The following HYDIN variants were observed in gnomAD, a reference collection of about 807,000 sequenced individuals.
HYDIN encodes HYDIN axonemal central pair apparatus protein, also known as axonemal central pair apparatus protein HYDIN.
Under a neutral mutation model 403.9 loss-of-function variants are expected in HYDIN, and 132 were observed. The ratio of observed to expected loss-of-function variants is 0.33; its 90% CI spans 0.28 to 0.38. The LOEUF is 0.38. HYDIN is among the 10% of genes least tolerant of loss of function. The probability of loss-of-function intolerance (pLI) is 1.00; values close to 1 mark genes in which losing one functional copy is unlikely to be tolerated. For missense variants in HYDIN, 2,827 were observed against 5,009.5 expected (o/e 0.56, Z 13.15); for synonymous variants, 1,202 against 1,891.7 (o/e 0.64, Z 9.46).
intron 55 of HYDIN, chr16:70,893,745 CA>C (rs1293523644): frequency 2.0e-5 from 3 of 151,344 alleles, no homozygotes; most frequent in African/African-American, 7.3e-5. Context: ...GGCTGGTCTC[CA>C]ACTCCTGGGC....
chr16:71,089,409 C>G (rs2083038658), intron 11 of HYDIN, among the ~76,000 whole-genome samples: 1 of 151,728 alleles, frequency 6.6e-6, no homozygotes, highest in African/African-American at 2.4e-5. Flanking sequence ...GGGTGAACAG[C>G]ATGTTTTCCT....
chr16:71,153,167 A>G (rs925413571), intron 6 of HYDIN, among the ~76,000 whole-genome samples: 2 of 152,164 alleles, frequency 1.3e-5, no homozygotes, highest in African/African-American at 2.4e-5. Flanking sequence ...CAGACTTAAA[A>G]TATGTATGCA....
chr16:70,861,991 G>A (rs545268746), intron 69 of HYDIN, 57 bp downstream of exon 69: 4 of 1,466,704 alleles, frequency 2.7e-6, no homozygotes, highest in South Asian at 2.7e-5. Context: ...AAGGGGATAA[G>A]AGCCACAGAG....
chr16:71,188,141 C>T (rs1358118282), intron 1 of HYDIN, among the ~76,000 whole-genome samples: 6 of 152,052 alleles, frequency 3.9e-5, no homozygotes, highest in African/African-American at 1.5e-4. Context: ...TTTTTAAATA[C>T]TTCTTCCCAA....
intron 19 of HYDIN, among the ~76,000 whole-genome samples, chr16:71,028,566 A>AT (rs61039757): frequency 3.1e-4 from 46 of 147,212 alleles, no homozygotes; most frequent in South Asian, 1.9e-3. Context: ...TTTGTTTGGG[A>AT]TTTTTTTTTT....
At chr16:71,098,301 A>T (rs1040525081) in intron 10 of HYDIN, among the ~76,000 whole-genome samples, 20 of 149,222 alleles carry the variant, frequency 1.3e-4, no homozygotes, top group African/African-American at 4.7e-4. Context: ...TCCCAGGTTC[A>T]CGCCATTCTC....
Position 70,807,788 on chromosome 16 carries a change from G to C in HYDIN, c.15158C>G (p.Ser5053Cys), listed in dbSNP as rs1279811665. ...KNVFYHMVTFSIIVDNPAFTI... is the reference protein window; with the variant it reads ...KNVFYHMVTFCIIVDNPAFTI... Reference sequence around the variant, plus strand: ...GAAGGCTGGGTTATCCACGATGATGGAGAAGGTCACCATGTGATAGAAGAC... The same window carrying C: ...GAAGGCTGGGTTATCCACGATGATGCAGAAGGTCACCATGTGATAGAAGAC... The change falls in exon 86 of 86, where the codon TCC becomes TGC. Residue 5053 changes from serine (S) to cysteine (C), a missense_variant. Coordinates refer to ENST00000393567, the MANE Select transcript of HYDIN (RefSeq NM_001270974.2). 9 of 1,614,214 alleles carry C rather than the reference G, an allele frequency of 5.6e-6. No individual in the cohort carries two copies. Among genetic ancestry groups the C allele is most frequent in the Non-Finnish European group, 7.6e-6 (9 of 1,180,038 alleles).
intron 59 of HYDIN, 125 bp from the exon 60 acceptor site, chr16:70,883,020 C>G (rs1303847591): frequency 1.4e-6 from 1 of 733,950 alleles, no homozygotes; most frequent in Admixed American, 2.0e-5. Context: ...CGAAGTCATG[C>G]AAGGGGGTGT....
At position 71,189,782 on chromosome 16, in the gene HYDIN, AC is replaced by A. The variant is rs1288797118; in HGVS notation, c.-23-2865del. Among the ~76,000 whole-genome samples, 6 of 151,238 alleles carry A rather than the reference AC, an allele frequency of 4.0e-5. No homozygotes were observed. In the South Asian group the frequency reaches 6.3e-4, roughly 16 times the overall value. On this transcript the variant is annotated intron_variant, in intron 1 of 85. Transcript: ENST00000393567. ...ACTCTGCCTCAAAAAAAAAAAAAAA[AC>A]AAACAACAATATTTTGACTGTATTC...
At chr16:70,946,736 TAG>T (rs1567883119) in intron 41 of HYDIN, among the ~76,000 whole-genome samples, 1 of 152,146 alleles carries the variant, frequency 6.6e-6, no homozygotes, top group African/African-American at 2.4e-5. Context: ...AGGATTGTGA[TAG>T]AGAGATCTTG....
At chr16:71,169,277 A>T (rs557020029) in intron 5 of HYDIN, among the ~76,000 whole-genome samples, 43 of 152,184 alleles carry the variant, frequency 2.8e-4, no homozygotes, top group Middle Eastern at 6.8e-3. Flanking sequence ...AATAAAATTT[A>T]AAAAAATTAG....
rs767375464 is a variant in HYDIN at position 70,904,518 on chromosome 16, T to TTTTTTTTTTTTTTTTTTTTTTTTTTTG, written c.8517-455_8517-454insCAAAAAAAAAAAAAAAAAAAAAAAAAA. ...TTTTTTTTTTTTTTTTTTTTTTTTT[T>TTTTTTTTTTTTTTTTTTTTTTTTTTTG]TGAGGGAGTTTCGTTCTTGTTGCCC... On this transcript the variant is annotated intron_variant, in intron 50 of 85. Coordinates refer to ENST00000393567, the MANE Select transcript of HYDIN (RefSeq NM_001270974.2). Among the ~76,000 whole-genome samples, 53 of 37,016 alleles carry TTTTTTTTTTTTTTTTTTTTTTTTTTTG rather than the reference T, an allele frequency of 1.4e-3. 20 individuals carry two copies. The highest frequency in any genetic ancestry group is 2.5e-3 in the Non-Finnish European group (47 of 19,126). 24.3% of individuals were successfully genotyped at this position (37,016 alleles called of 152,430 possible).
intron 18 of HYDIN, among the ~76,000 whole-genome samples, chr16:71,047,077 T>C: frequency 6.6e-6 from 1 of 152,200 alleles, no homozygotes; most frequent in Admixed American, 6.5e-5. Context: ...ATAATTTAGT[T>C]GGAAAAAATA....
At chr16:71,214,295 G>A (rs1164647121) in intron 1 of HYDIN, among the ~76,000 whole-genome samples, 2 of 152,028 alleles carry the variant, frequency 1.3e-5, no homozygotes, top group Non-Finnish European at 2.9e-5. Context: ...TATTGTAAAA[G>A]ATATTTTTCC....
intron 7 of HYDIN, among the ~76,000 whole-genome samples, chr16:71,137,604 G>A (rs905225717): frequency 9.2e-5 from 14 of 151,620 alleles, no homozygotes; most frequent in Non-Finnish European, 1.9e-4. Flanking sequence ...TTGTTGTTGT[G>A]GGCACTCCAA....
At chr16:71,073,806 C>T (rs915007507) in intron 13 of HYDIN, among the ~76,000 whole-genome samples, 6 of 152,106 alleles carry the variant, frequency 3.9e-5, no homozygotes, top group Non-Finnish European at 1.5e-5. Flanking sequence ...CTCAATGTTC[C>T]TTCAAGGACA....
intron 1 of HYDIN, among the ~76,000 whole-genome samples, chr16:71,202,935 C>A (rs1230462310): frequency 6.6e-6 from 1 of 152,160 alleles, no homozygotes; most frequent in East Asian, 1.9e-4. Context: ...CTCTTCTGCT[C>A]TGATTGGTCT....
intron 14 of HYDIN, among the ~76,000 whole-genome samples, chr16:71,068,203 G>T (rs1211780824): frequency 2.7e-5 from 4 of 149,010 alleles, no homozygotes; most frequent in Non-Finnish European, 4.4e-5. Context: ...CTTCAAAATT[G>T]TATGTACTGG....
chr16:70,916,931 C>A (rs1259184804), intron 47 of HYDIN, among the ~76,000 whole-genome samples: 1 of 147,236 alleles, frequency 6.8e-6, no homozygotes, highest in Non-Finnish European at 1.5e-5. Context: ...TCTTTCTTTT[C>A]TTTTTCTTTT....
Sources: allele counts gnomAD v4.1 joint callset (sites outside exome capture counted in the v4.1 genomes callset), GRCh38; gene constraint gnomAD v4.1.1; transcripts MANE v1.5; gene names NCBI Gene and HGNC (gene_info 2026-07-23, HGNC 2026-07-21).